Variants in PPP6R3 observed in about 807,000 individuals in gnomAD.
PPP6R3 encodes serine/threonine-protein phosphatase 6 regulatory subunit 3.
PPP6R3 carries 38 observed loss-of-function variants against 110.7 expected under a neutral mutation model. That is an observed-to-expected ratio of 0.34 (90% CI 0.26 to 0.45). The LOEUF (loss-of-function observed/expected upper bound fraction) is 0.45, where lower values mean the gene tolerates loss of function less well. PPP6R3 is among the 20% of genes least tolerant of loss of function. The pLI is 1.00. For synonymous variants in PPP6R3, 369 were observed against 373.5 expected, an observed-to-expected ratio of 0.99 and a Z score of 0.14; for missense variants, 870 against 1,062.4, an observed-to-expected ratio of 0.82 and a Z score of 2.52.
Position 68,614,796 on chromosome 11 carries a change from A to AC in PPP6R3, c.*1684dup, listed in dbSNP as rs749565613. 17 of 1,506,040 alleles carry AC rather than the reference A, an allele frequency of 1.1e-5. No individual in the cohort carries two copies. Among genetic ancestry groups the AC allele is most frequent in the Non-Finnish European group, 1.5e-5 (17 of 1,108,700 alleles). The allele number at this position is 1,506,040 out of a possible 1,614,324, so 93.3% of individuals were successfully genotyped here. A position where few individuals can be genotyped will look rare whatever the true frequency, so the allele number is the denominator to read the frequency against. On this transcript the variant is annotated 3_prime_UTR_variant, in exon 24 of 24. Transcript: ENST00000393800. The stretch of plus-strand genomic sequence containing the variant: ...TCCTTGGGCCTCCTCTGGAAGCAGC[A>AC]CCCCCAGAGGACAGGGCTCCTCCTG...
At chr11:68,573,145 T>TA (rs372409390) in intron 12 of PPP6R3, among the ~76,000 whole-genome samples, 1,368 of 114,692 alleles carry the variant, frequency 0.012, 83 homozygotes, top group African/African-American at 0.014. Flanking sequence ...TATATATATA[T>TA]ATATATATAA....
At chr11:68,575,895 C>T in intron 13 of PPP6R3, 63 bp from the exon 14 acceptor site, 2 of 1,272,458 alleles carry the variant, frequency 1.6e-6, no homozygotes, top group East Asian at 2.4e-5. Context: ...TACCTGCTTA[C>T]TTTATTTGTC....
At chr11:68,467,548 C>T (rs2098757136) in intron 1 of PPP6R3, among the ~76,000 whole-genome samples, 1 of 152,166 alleles carries the variant, frequency 6.6e-6, no homozygotes. Flanking sequence ...GTGGCAGAGA[C>T]ACACTTTGAG....
chr11:68,566,231 C>T (rs1256204415), intron 9 of PPP6R3, among the ~76,000 whole-genome samples: 1 of 132,878 alleles, frequency 7.5e-6, no homozygotes, highest in Non-Finnish European at 1.7e-5. Flanking sequence ...CCACCACCAC[C>T]ACCACGGCTG....
Position 68,602,631 on chromosome 11 carries a change from C to A in PPP6R3, c.2299+662C>A, listed in dbSNP as rs575828983. Among the ~76,000 whole-genome samples, 3 of 152,198 alleles carry A rather than the reference C, an allele frequency of 2.0e-5. No individual in the cohort carries two copies. In the South Asian group the frequency reaches 6.2e-4, roughly 32 times the overall value. On this transcript the variant is annotated intron_variant, in intron 21 of 23. Coordinates refer to ENST00000393800, the MANE Select transcript of PPP6R3 (RefSeq NM_001164161.2). ...AGGTTTTGGTAGAGGGTGTGAGAAC[C>A]CTCCTTCCCAGGGGCAAGGGAAAGG...
intron 22 of PPP6R3, 122 bp from the exon 23 acceptor site, chr11:68,609,782 C>T: frequency 2.6e-6 from 4 of 1,555,298 alleles, no homozygotes; most frequent in Non-Finnish European, 3.5e-6. Flanking sequence ...ATGCTCAGTC[C>T]CAGGATGCTT....
At chr11:68,588,916 C>G (rs2099587225) in intron 16 of PPP6R3, among the ~76,000 whole-genome samples, 1 of 151,930 alleles carries the variant, frequency 6.6e-6, no homozygotes, top group African/African-American at 2.4e-5. Context: ...CTATAAAGTC[C>G]TTAATCCTGG....
intron 18 of PPP6R3, among the ~76,000 whole-genome samples, chr11:68,593,472 C>A (rs767881541): frequency 6.6e-6 from 1 of 151,986 alleles, no homozygotes; most frequent in East Asian, 1.9e-4. Flanking sequence ...GGTTTGAGGC[C>A]TATAATGTCA....
At position 68,583,061 on chromosome 11, in the gene PPP6R3, C is replaced by T; in HGVS notation, c.1564C>T (p.His522Tyr). The part of the protein sequence containing the change: ...TVDLVTTCHI[H>Y]SSSDDEIDFK... ...CATATAGGTTACAACCTGCCATATTCATTCATCCAGTGATGATGAAATTGA... is the reference window on the plus strand; with the variant it reads ...CATATAGGTTACAACCTGCCATATTTATTCATCCAGTGATGATGAAATTGA... Residue 522 changes from histidine to tyrosine, a missense_variant, in exon 15 of 24, where the codon CAT becomes TAT. Physicochemically the swap from His to Tyr is moderately conservative, Grantham distance 83 (BLOSUM62 2). Transcript: ENST00000393800. The T allele has an allele frequency of 6.5e-7, 1 of 1,540,520 alleles. No individual in the cohort carries two copies. The highest frequency in any genetic ancestry group is 8.8e-7 in the Non-Finnish European group (1 of 1,139,708).
chr11:68,558,576 A>G lies in PPP6R3; in HGVS notation c.742A>G (p.Ile248Val), dbSNP rs1348319723. ...LLATLEKQEIIEQLLSNIFHK... is the reference protein window; with the variant it reads ...LLATLEKQEIVEQLLSNIFHK... ...GATTTGTTTCCCTAGGCAAGAAATT[A>G]TAGAGCAGCTTCTATCAAATATTTT... Residue 248 changes from isoleucine to valine, a missense_variant, in exon 8 of 24, where the codon ATA becomes GTA. Coordinates refer to ENST00000393800, the MANE Select transcript of PPP6R3 (RefSeq NM_001164161.2). 7 of 1,610,744 alleles carry G rather than the reference A, an allele frequency of 4.3e-6. No individual in the cohort carries two copies. In the South Asian group the frequency reaches 5.5e-5, roughly 13 times the overall value.
chr11:68,548,201 G>T lies in PPP6R3; in HGVS notation c.549G>T (p.Leu183=). ...IEPPQPRQDV[L]NWLNEEKIIQ... is the part of the protein sequence containing the mutation. ...CTCCACAGCCCAGGCAAGATGTGCT[G>T]AATGTGAGTAGAATTCTGACCTGCT... Residue 183 remains leucine, a synonymous_variant, in exon 5 of 24, where the codon CTG becomes CTT. Transcript: ENST00000393800. 6.2e-7 allele frequency: 1 copy of T among 1,613,938 alleles called. No individual in the cohort carries two copies. Among genetic ancestry groups the T allele is most frequent in the Non-Finnish European group, 8.5e-7 (1 of 1,179,940 alleles).
At chr11:68,507,857 A>G (rs2099086922) in intron 1 of PPP6R3, among the ~76,000 whole-genome samples, 1 of 152,190 alleles carries the variant, frequency 6.6e-6, no homozygotes, top group Non-Finnish European at 1.5e-5. Flanking sequence ...GTTATGCAAT[A>G]GCTATGATTT....
chr11:68,613,972 C>A lies in PPP6R3; in HGVS notation c.*855C>A, dbSNP rs905037940. Reference sequence around the variant, plus strand: ...ATTTGGTAGTTCATCTGCCTTTTAACCCATTCACCAAAATTTACCTTGTTA... The same window carrying A: ...ATTTGGTAGTTCATCTGCCTTTTAAACCATTCACCAAAATTTACCTTGTTA... On this transcript the variant is annotated 3_prime_UTR_variant, in exon 24 of 24. Transcript: ENST00000393800. 1 of 982,182 alleles carries A rather than the reference C, an allele frequency of 1.0e-6. No homozygotes were observed. The highest frequency in any genetic ancestry group is 1.2e-6 in the Non-Finnish European group (1 of 829,270). The allele number at this position is 982,182 out of a possible 1,614,324, so 60.8% of individuals were successfully genotyped here.
At chr11:68,471,634 G>A (rs1223455419) in intron 1 of PPP6R3, among the ~76,000 whole-genome samples, 1 of 152,196 alleles carries the variant, frequency 6.6e-6, no homozygotes, top group Admixed American at 6.5e-5. Context: ...GTAGAGCTCC[G>A]TCATGGGATT....
intron 1 of PPP6R3, among the ~76,000 whole-genome samples, chr11:68,512,563 C>T (rs1292715919): frequency 1.3e-5 from 2 of 152,196 alleles, no homozygotes; most frequent in African/African-American, 2.4e-5. Flanking sequence ...TCACGTTAGA[C>T]GGAACTATTA....
rs1396218037 is a variant in PPP6R3 at position 68,508,530 on chromosome 11, G to GCCAGC, written c.-157-10971_-157-10970insCCAGC. On this transcript the variant is annotated intron_variant, in intron 1 of 23. Coordinates refer to ENST00000393800, the MANE Select transcript of PPP6R3 (RefSeq NM_001164161.2). ...AAAACAGGGATGATAATAATAGGAT[G>GCCAGC]GAAAAGTACTTGCACAGTGCCAGCG... 5.0e-4 allele frequency among the ~76,000 whole-genome samples: 76 copies of GCCAGC among 152,212 alleles called. No individual in the cohort carries two copies. In the South Asian group the frequency reaches 0.015, roughly 29 times the overall value.
At chr11:68,574,317 G>C (rs2099521939) in intron 13 of PPP6R3, 93 bp downstream of exon 13, 1 of 937,564 alleles carries the variant, frequency 1.1e-6, no homozygotes. Context: ...TTTTAATAGT[G>C]ATTTGTGGGA....
At chr11:68,585,915 A>C (rs529377622) in intron 15 of PPP6R3, among the ~76,000 whole-genome samples, 44 of 152,282 alleles carry the variant, frequency 2.9e-4, no homozygotes, top group African/African-American at 1.0e-3. Context: ...ATTTTGGGGA[A>C]TATTTCTTCC....
At chr11:68,569,326 T>C (rs2099493117) in intron 10 of PPP6R3, among the ~76,000 whole-genome samples, 1 of 152,210 alleles carries the variant, frequency 6.6e-6, no homozygotes, top group African/African-American at 2.4e-5. Flanking sequence ...CTCCTTTGGA[T>C]GCCTGAAACC....
Sources: gnomAD v4.1 joint callset for allele counts (sites outside exome capture counted in the v4.1 genomes callset) on GRCh38, gnomAD v4.1.1 for gene constraint, MANE v1.5 for transcripts, NCBI Gene and HGNC (gene_info 2026-07-23, HGNC 2026-07-21) for gene names.